The following PPWD1 variants were observed in gnomAD, a reference collection of about 807,000 sequenced individuals.
PPWD1 encodes the protein peptidylprolyl isomerase domain and WD repeat-containing protein 1.
In PPWD1, 43 loss-of-function variants were observed where a neutral mutation model predicts 68.8. The observed-to-expected ratio is 0.62, with a 90% CI of 0.49 to 0.81. The LOEUF is 0.81. Ranked by LOEUF, PPWD1 falls within the 30% of genes least tolerant of loss-of-function variation. PPWD1 has a pLI of 0.00. For synonymous variants in PPWD1, 232 were observed against 258.7 expected, an observed-to-expected ratio of 0.90 and a Z score of 0.99; for missense variants, 672 against 804.8, an observed-to-expected ratio of 0.83 and a Z score of 2.00.
At chr5:65,563,847 A>G (rs910740310) in intron 1 of PPWD1, 5 of 1,484,226 alleles carry the variant, frequency 3.4e-6, no homozygotes, top group Middle Eastern at 3.4e-4. Context: ...TAGGTATGCA[A>G]AAGGGTACCA....
chr5:65,573,724 T>C (rs999999398), intron 5 of PPWD1, among the ~76,000 whole-genome samples: 11 of 151,292 alleles, frequency 7.3e-5, no homozygotes, highest in African/African-American at 2.4e-4. Context: ...TTTAGAGCAT[T>C]TGATATGGTC....
rs1026821398 is a variant in PPWD1 at position 65,583,530 on chromosome 5, G to A, written c.1532+311G>A. ...CTGTTAACAGCACATCTGAACTCTA[G>A]GTTTTGTGGATTGCTTTGCTTTCCT... On this transcript the variant is annotated intron_variant, in intron 8 of 10. Transcript: ENST00000261308. Among the ~76,000 whole-genome samples, 6 of 152,166 alleles carry A rather than the reference G, an allele frequency of 3.9e-5. No individual in the cohort carries two copies. In the South Asian group the frequency reaches 1.0e-3, roughly 26 times the overall value.
chr5:65,568,808 G>T, intron 2 of PPWD1: 2 of 345,224 alleles, frequency 5.8e-6, no homozygotes, highest in Non-Finnish European at 1.1e-5. Flanking sequence ...CCAAATATTA[G>T]CACCTTTTCT....
At position 65,586,084 on chromosome 5, in the gene PPWD1, A is replaced by T; in HGVS notation, c.1700A>T (p.His567Leu). The T allele has an allele frequency of 6.2e-7, 1 of 1,613,710 alleles. No homozygotes were observed. The highest frequency in any genetic ancestry group is 8.5e-7 in the Non-Finnish European group (1 of 1,179,674). Reference sequence around the variant, plus strand: ...GGAGGAGAATTTGAAGATGAATTTCATTCAACATTACGACATGACAGGCCA... The same window carrying T: ...GGAGGAGAATTTGAAGATGAATTTCTTTCAACATTACGACATGACAGGCCA... Reference protein sequence around the residue: ...IWGGEFEDEFHSTLRHDRPYT... With the variant: ...IWGGEFEDEFLSTLRHDRPYT... Residue 567 changes from histidine to leucine, a missense_variant, in exon 10 of 11, where the codon CAT becomes CTT. Around this residue, in one of 2 missense-constraint regions of PPWD1, gnomAD observed 484 missense variants for 646.2 expected, o/e 0.75. Coordinates refer to ENST00000261308, the MANE Select transcript of PPWD1 (RefSeq NM_015342.4).
intron 9 of PPWD1, 99 bp downstream of exon 9, chr5:65,585,194 T>G (rs1374214605): frequency 1.6e-6 from 2 of 1,227,980 alleles, no homozygotes; most frequent in Non-Finnish European, 2.3e-6. Flanking sequence ...CTTAATCAGT[T>G]TAGTGGAAAG....
intron 1 of PPWD1, chr5:65,563,745 C>A: frequency 6.9e-7 from 1 of 1,443,780 alleles, no homozygotes; most frequent in South Asian, 1.2e-5. Flanking sequence ...ATGACAGATG[C>A]TAAAACTAAC....
At chr5:65,579,791 T>C (rs1753515616) in intron 7 of PPWD1, among the ~76,000 whole-genome samples, 178 bp downstream of exon 7, 1 of 152,364 alleles carries the variant, frequency 6.6e-6, no homozygotes. Context: ...ATTTTAAGTA[T>C]TTCTGTACTG....
chr5:65,571,438 AT>A (rs1216104287), intron 4 of PPWD1, among the ~76,000 whole-genome samples: 1 of 152,182 alleles, frequency 6.6e-6, no homozygotes, highest in African/African-American at 2.4e-5. Context: ...TCAAGAAAGG[AT>A]TTATAAAATA....
intron 6 of PPWD1, among the ~76,000 whole-genome samples, chr5:65,577,887 C>G (rs1367208136): frequency 6.6e-6 from 1 of 152,164 alleles, no homozygotes; most frequent in African/African-American, 2.4e-5. Flanking sequence ...CATTGACACC[C>G]AGAGTCCATA....
At chr5:65,570,916 G>T (rs193096520) in intron 4 of PPWD1, among the ~76,000 whole-genome samples, 1 of 152,050 alleles carries the variant, frequency 6.6e-6, no homozygotes, top group Admixed American at 6.6e-5. Flanking sequence ...GCTGAATTAT[G>T]CCCACAATTC....
At chr5:65,566,782 CCTTA>C (rs1360624590) in intron 1 of PPWD1, among the ~76,000 whole-genome samples, 3 of 150,136 alleles carry the variant, frequency 2.0e-5, no homozygotes, top group Non-Finnish European at 4.4e-5. Flanking sequence ...TTCTTTCCTT[CCTTA>C]CTTCCCTCCC....
intron 1 of PPWD1, 169 bp downstream of exon 1, chr5:65,563,675 A>T: frequency 7.4e-7 from 1 of 1,348,676 alleles, no homozygotes; most frequent in Middle Eastern, 1.8e-4. Flanking sequence ...CGAAATAGTG[A>T]TTTAAGCGTA....
chr5:65,587,289 G>C lies in PPWD1; in HGVS notation c.1834G>C (p.Val612Leu), dbSNP rs149787698. The change falls in exon 11 of 11, where the codon GTG (valine) becomes CTG (leucine). Residue 612 changes from valine (V) to leucine (L), a missense_variant. Physicochemically the swap from Val to Leu is conservative, Grantham distance 32. This residue lies in a region of PPWD1 where 484 missense variants were observed against 646.2 expected (regional missense o/e 0.75). Coordinates refer to ENST00000261308, the MANE Select transcript of PPWD1 (RefSeq NM_015342.4). ...TAATAAGCATACAGTATTTGGACGAGTGACTAAAGGAATGGAAGTTGTACA... is the reference window on the plus strand; with the variant it reads ...TAATAAGCATACAGTATTTGGACGACTGACTAAAGGAATGGAAGTTGTACA... ...LDNKHTVFGR[V>L]TKGMEVVQRI... 6.2e-7 allele frequency: 1 copy of C among 1,611,794 alleles called. No homozygotes were observed. Among genetic ancestry groups the C allele is most frequent in the Non-Finnish European group, 8.5e-7 (1 of 1,178,442 alleles).
intron 5 of PPWD1, among the ~76,000 whole-genome samples, chr5:65,574,775 T>G (rs945220542): frequency 6.6e-6 from 1 of 152,244 alleles, no homozygotes; most frequent in African/African-American, 2.4e-5. Context: ...CACAAATCTC[T>G]TAACACACAT....
intron 7 of PPWD1, among the ~76,000 whole-genome samples, chr5:65,581,926 G>C (rs921091587): frequency 6.6e-6 from 1 of 151,982 alleles, no homozygotes; most frequent in Non-Finnish European, 1.5e-5. Context: ...ATCCATATAT[G>C]AGCTAAATCA....
intron 1 of PPWD1, among the ~76,000 whole-genome samples, chr5:65,565,496 T>C (rs1752707557): frequency 6.6e-6 from 1 of 152,100 alleles, no homozygotes; most frequent in South Asian, 2.1e-4. Context: ...AATCAGTTAT[T>C]TATTGTTTTA....
At position 65,583,792 on chromosome 5, in the gene PPWD1, A is replaced by T. The variant is rs535647361; in HGVS notation, c.1532+573A>T. Among the ~76,000 whole-genome samples the T allele has an allele frequency of 2.6e-3, 397 of 151,916 alleles. 2 individuals are homozygous for T. Among genetic ancestry groups the T allele is most frequent in the African/African-American group, 8.4e-3 (349 of 41,418 alleles). On this transcript the variant is annotated intron_variant, in intron 8 of 10. Transcript: ENST00000261308. ...GGCAAGACTCTATCTCTTAAAAAAAATTTTTTTTTATTAGCTGGGCATGGT... is the reference window on the plus strand; with the variant it reads ...GGCAAGACTCTATCTCTTAAAAAAATTTTTTTTTTATTAGCTGGGCATGGT...
intron 2 of PPWD1, chr5:65,568,022 T>C (rs1416702409): frequency 6.5e-6 from 1 of 153,138 alleles, no homozygotes; most frequent in Non-Finnish European, 1.5e-5. Context: ...ATAATAATAG[T>C]ACAAGTTGAG....
intron 1 of PPWD1, among the ~76,000 whole-genome samples, chr5:65,564,771 G>A (rs938410388): frequency 2.0e-5 from 3 of 151,952 alleles, no homozygotes; most frequent in African/African-American, 7.3e-5. Flanking sequence ...CTCGAGAATC[G>A]GTCTTGTACT....
Sources: allele counts gnomAD v4.1 joint callset (sites outside exome capture counted in the v4.1 genomes callset), GRCh38; gene constraint gnomAD v4.1.1; regional missense constraint gnomAD v4.1.1; transcripts MANE v1.5; gene names NCBI Gene and HGNC (gene_info 2026-07-23, HGNC 2026-07-21).